Variants in DLG2 observed in about 807,000 individuals in gnomAD.
The protein encoded by DLG2 is discs large MAGUK scaffold protein 2.
Under a neutral mutation model 132.5 loss-of-function variants are expected in DLG2, and 45 were observed. That is an observed-to-expected ratio of 0.34 (90% CI 0.27 to 0.44). The LOEUF (loss-of-function observed/expected upper bound fraction) is 0.44. Ranked by LOEUF, DLG2 falls within the 20% of genes least tolerant of loss-of-function variation. The pLI, the probability that DLG2 is intolerant of heterozygous loss-of-function variation, is 1.00. For synonymous variants in DLG2, 424 were observed against 419.6 expected (o/e 1.01, Z -0.13); for missense variants, 1,045 against 1,196.9 (o/e 0.87, Z 1.87).
intron 15 of DLG2, among the ~76,000 whole-genome samples, chr11:83,894,917 T>C (rs2071118349): frequency 6.6e-6 from 1 of 152,148 alleles, no homozygotes; most frequent in Admixed American, 6.6e-5. Context: ...GCCTGGCTTA[T>C]TTTATTTAAA....
intron 6 of DLG2, among the ~76,000 whole-genome samples, chr11:84,656,054 A>T (rs1170516492): frequency 1.3e-5 from 2 of 152,284 alleles, no homozygotes; most frequent in South Asian, 4.1e-4. Context: ...TTCATTATGT[A>T]CAAGAAAGAC....
At chr11:84,453,125 G>T (rs929246235) in intron 7 of DLG2, among the ~76,000 whole-genome samples, 10 of 151,568 alleles carry the variant, frequency 6.6e-5, no homozygotes, top group Admixed American at 5.9e-4. Context: ...TTAACTTGGA[G>T]ATATCTTTTA....
At chr11:84,737,952 G>A (rs1052428275) in intron 6 of DLG2, among the ~76,000 whole-genome samples, 1 of 152,024 alleles carries the variant, frequency 6.6e-6, no homozygotes, top group African/African-American at 2.4e-5. Flanking sequence ...TGGGATGGAG[G>A]AGGCATTATT....
chr11:84,739,105 T>C (rs954486716), intron 6 of DLG2, among the ~76,000 whole-genome samples: 2 of 152,172 alleles, frequency 1.3e-5, no homozygotes, highest in African/African-American at 4.8e-5. Context: ...TCTGGAACTC[T>C]AATGTGGCAG....
intron 14 of DLG2, among the ~76,000 whole-genome samples, chr11:83,959,952 A>C (rs551341988): frequency 6.6e-6 from 1 of 152,226 alleles, no homozygotes; most frequent in Admixed American, 6.5e-5. Context: ...TTATTACTCT[A>C]TGTATTGTTA....
intron 6 of DLG2, among the ~76,000 whole-genome samples, chr11:85,082,913 T>C (rs1370007848): frequency 2.6e-5 from 4 of 152,080 alleles, no homozygotes; most frequent in African/African-American, 4.8e-5. Flanking sequence ...CATTCTCTAA[T>C]GGTAAAGAGA....
At chr11:85,143,596 C>T (rs984990150) in intron 5 of DLG2, among the ~76,000 whole-genome samples, 3 of 151,700 alleles carry the variant, frequency 2.0e-5, no homozygotes, top group Non-Finnish European at 4.4e-5. Context: ...ATTGCTTTTG[C>T]TATATCCCAT....
At chr11:85,198,955 T>C (rs2081255089) in intron 4 of DLG2, among the ~76,000 whole-genome samples, 2 of 152,174 alleles carry the variant, frequency 1.3e-5, no homozygotes, top group African/African-American at 4.8e-5. Context: ...TATCTTCAAG[T>C]TTCAGGTCTA....
chr11:84,161,472 A>C (rs1596374921), intron 9 of DLG2, among the ~76,000 whole-genome samples: 1 of 152,306 alleles, frequency 6.6e-6, no homozygotes, highest in Non-Finnish European at 1.5e-5. Context: ...GCAGTAACAA[A>C]GTTCAGAGTA....
At chr11:83,840,234 T>C (rs1258492296) in intron 16 of DLG2, among the ~76,000 whole-genome samples, 1 of 152,196 alleles carries the variant, frequency 6.6e-6, no homozygotes, top group Admixed American at 6.5e-5. Context: ...TTACAGTGTG[T>C]CATAATTGCT....
chr11:84,117,149 T>C (rs2093672826), intron 9 of DLG2, among the ~76,000 whole-genome samples: 1 of 152,224 alleles, frequency 6.6e-6, no homozygotes, highest in Non-Finnish European at 1.5e-5. Flanking sequence ...TCCTTACAAA[T>C]GAAAGCAACT....
At chr11:84,230,177 T>C (rs568366150) in intron 8 of DLG2, among the ~76,000 whole-genome samples, 1 of 152,328 alleles carries the variant, frequency 6.6e-6, no homozygotes, top group Admixed American at 6.5e-5. Context: ...AACTTCTTCA[T>C]CTACCTTTTT....
chr11:84,916,947 C>T (rs1005103677), intron 6 of DLG2, among the ~76,000 whole-genome samples: 2 of 152,198 alleles, frequency 1.3e-5, no homozygotes, highest in African/African-American at 2.4e-5. Context: ...AAGCCATATT[C>T]TCAGTGAGAC....
At chr11:84,289,865 G>A (rs1175040297) in intron 7 of DLG2, among the ~76,000 whole-genome samples, 1 of 152,164 alleles carries the variant, frequency 6.6e-6, no homozygotes, top group Non-Finnish European at 1.5e-5. Context: ...GATGATCAGA[G>A]AAAGAAAACT....
intron 5 of DLG2, among the ~76,000 whole-genome samples, chr11:85,137,951 C>G (rs1040895068): frequency 3.3e-5 from 5 of 151,892 alleles, no homozygotes; most frequent in African/African-American, 1.2e-4. Flanking sequence ...TTAAAAAAAT[C>G]AGGACAGTAA....
At chr11:85,486,954 C>T (rs1467521721) in intron 3 of DLG2, among the ~76,000 whole-genome samples, 1 of 151,268 alleles carries the variant, frequency 6.6e-6, no homozygotes, top group Non-Finnish European at 1.5e-5. Context: ...GTGTCCTAGT[C>T]CCATGCATAA....
chr11:85,550,505 CCTGGTGCCA>C (rs1423381410), intron 3 of DLG2, among the ~76,000 whole-genome samples: 1 of 152,146 alleles, frequency 6.6e-6, no homozygotes, highest in Non-Finnish European at 1.5e-5. Context: ...GTTTGATCCC[CCTGGTGCCA>C]CTGGTGCCGC....
At chr11:85,472,176 T>C (rs758711971) in intron 3 of DLG2, among the ~76,000 whole-genome samples, 2 of 152,160 alleles carry the variant, frequency 1.3e-5, no homozygotes, top group Non-Finnish European at 2.9e-5. Context: ...GTGCTGCCCA[T>C]GGACCAATTG....
chr11:83,639,171 G>T (rs1001098946), intron 18 of DLG2, among the ~76,000 whole-genome samples: 1 of 152,194 alleles, frequency 6.6e-6, no homozygotes, highest in African/African-American at 2.4e-5. Context: ...TTAGGCAATA[G>T]CATGAGGCCA....
Sources: gnomAD v4.1 joint callset for allele counts (sites outside exome capture counted in the v4.1 genomes callset) on GRCh38, gnomAD v4.1.1 for gene constraint, MANE v1.5 for transcripts, NCBI Gene and HGNC (gene_info 2026-07-23, HGNC 2026-07-21) for gene names.